Variants in ADAMTS8 observed in about 807,000 individuals in gnomAD.
ADAMTS8 encodes ADAM metallopeptidase with thrombospondin type 1 motif 8.
In ADAMTS8, 50 loss-of-function variants were observed where a neutral mutation model predicts 64.4. The observed-to-expected ratio is 0.78, with a 90% CI of 0.62 to 0.98. The LOEUF is 0.98. ADAMTS8 is among the 50% of genes least tolerant of loss of function. The pLI, the probability that ADAMTS8 is intolerant of heterozygous loss-of-function variation, is 0.00. For synonymous variants in ADAMTS8, 556 were observed against 533.6 expected, an observed-to-expected ratio of 1.04 and a Z score of -0.58; for missense variants, 1,192 against 1,208.2, an observed-to-expected ratio of 0.99 and a Z score of 0.20.
rs1380671737 is a variant in ADAMTS8, at chr11:130,406,053, A to T, written c.2175T>A (p.Gly725=). The part of the protein sequence containing the change: ...NIDVKQRSHP[G]VQNDGNYLAL... ...CCAGGTAGTTCCCATCGTTCTGCACACCCGGGTGGCTCCGCTGCTTCACGT... is the reference window on the plus strand; with the variant it reads ...CCAGGTAGTTCCCATCGTTCTGCACTCCCGGGTGGCTCCGCTGCTTCACGT... The change falls in exon 9 of 9, where the codon GGT becomes GGA. Residue 725 remains glycine (G), a synonymous_variant. Coordinates refer to ENST00000257359, the MANE Select transcript of ADAMTS8 (RefSeq NM_007037.6). The T allele has an allele frequency of 1.2e-6, 2 of 1,613,974 alleles. No homozygotes were observed. The highest frequency in any genetic ancestry group is 1.7e-6 in the Non-Finnish European group (2 of 1,180,010).
intron 1 of ADAMTS8, among the ~76,000 whole-genome samples, chr11:130,421,539 G>A (rs1445879359): frequency 6.6e-6 from 1 of 152,170 alleles, no homozygotes; most frequent in Non-Finnish European, 1.5e-5. Context: ...AAGGCTAGGA[G>A]GATTCTGTGG....
At position 130,419,089 on chromosome 11, in the gene ADAMTS8, T is replaced by C. The variant is rs958415903; in HGVS notation, c.924A>G (p.Pro308=). ...GCAGGATGGCCGTGTCGTAGTGCTC[T>C]GGGTGGCGGTCGCTGGGCTGGTTGA... The part of the protein sequence containing the change: ...RRFNQPSDRH[P]EHYDTAILLT... Residue 308 remains proline, a synonymous_variant, in exon 2 of 9, where the codon CCA becomes CCG. Coordinates refer to ENST00000257359, the MANE Select transcript of ADAMTS8 (RefSeq NM_007037.6). 1 of 1,614,176 alleles carries C rather than the reference T, an allele frequency of 6.2e-7. No individual in the cohort carries two copies. The highest frequency in any genetic ancestry group is 1.3e-5 in the African/African-American group (1 of 75,054).
At chr11:130,424,589 C>T (rs1475708334) in intron 1 of ADAMTS8, among the ~76,000 whole-genome samples, 3 of 152,162 alleles carry the variant, frequency 2.0e-5, no homozygotes, top group African/African-American at 7.2e-5. Flanking sequence ...GAGTGCCTTC[C>T]CTCTGTGTGA....
intron 2 of ADAMTS8, 61 bp from the exon 3 acceptor site, chr11:130,417,136 C>T (rs934734912): frequency 3.5e-5 from 56 of 1,600,352 alleles, no homozygotes; most frequent in Non-Finnish European, 4.4e-5. Context: ...CGCTGCAGGC[C>T]TGCAGGGCCG....
At position 130,428,219 on chromosome 11, in the gene ADAMTS8, A is replaced by C; in HGVS notation, c.68T>G (p.Leu23Arg). 3 of 1,189,792 alleles carry C rather than the reference A, an allele frequency of 2.5e-6. No homozygotes were observed. Among genetic ancestry groups the C allele is most frequent in the Non-Finnish European group, 3.1e-6 (3 of 970,622 alleles). 73.7% of individuals were successfully genotyped at this position (1,189,792 alleles called of 1,614,324 possible). A position where few individuals can be genotyped will look rare whatever the true frequency, so the allele number is the denominator to read the frequency against. The change falls in exon 1 of 9, where the codon CTG becomes CGG. Residue 23 changes from leucine (L) to arginine (R), a missense_variant. Physicochemically the swap from Leu to Arg is moderately radical, Grantham distance 102. Coordinates refer to ENST00000257359, the MANE Select transcript of ADAMTS8 (RefSeq NM_007037.6). ...LLLLLLLLLP[L>R]ARGAPARPAA... ...GGGCCGGGCCGGGGCGCCGCGGGCC[A>C]GCGGCAGCAGCAGCAGCAGCAGCAG...
chr11:130,405,656 C>T lies in ADAMTS8; in HGVS notation c.2572G>A (p.Glu858Lys), dbSNP rs1861869116. 2.5e-6 allele frequency: 4 copies of T among 1,614,002 alleles called. No individual in the cohort carries two copies. The highest frequency in any genetic ancestry group is 1.1e-5 in the South Asian group (1 of 91,082). ...CGAGWQRRTV[E>K]CRDPSGQASA... ...GCCTGGCCGGAGGGGTCCCTGCACTCTACAGTTCGCCTCTGCCAGCCGGCC... is the reference window on the plus strand; with the variant it reads ...GCCTGGCCGGAGGGGTCCCTGCACTTTACAGTTCGCCTCTGCCAGCCGGCC... Residue 858 changes from glutamate to lysine, a missense_variant, in exon 9 of 9, where the codon GAG becomes AAG. Coordinates refer to ENST00000257359, the MANE Select transcript of ADAMTS8 (RefSeq NM_007037.6).
At position 130,428,438 on chromosome 11, in the gene ADAMTS8, G is replaced by T; in HGVS notation, c.-152C>A. The T allele has an allele frequency of 9.5e-7, 1 of 1,057,094 alleles. No individual in the cohort carries two copies. Among genetic ancestry groups the T allele is most frequent in the Non-Finnish European group, 1.1e-6 (1 of 878,822 alleles). 65.5% of individuals were successfully genotyped at this position (1,057,094 alleles called of 1,614,324 possible). On this transcript the variant is annotated 5_prime_UTR_variant, in exon 1 of 9. Transcript: ENST00000257359. ...GACTCGGCCCGCGGGGCCCGGCGGCGGGAGCGCTCCCCCGGCGGCCCCTCT... is the reference window on the plus strand; with the variant it reads ...GACTCGGCCCGCGGGGCCCGGCGGCTGGAGCGCTCCCCCGGCGGCCCCTCT...
intron 5 of ADAMTS8, among the ~76,000 whole-genome samples, chr11:130,413,221 T>C (rs1304696360): frequency 6.6e-6 from 1 of 152,124 alleles, no homozygotes; most frequent in African/African-American, 2.4e-5. Context: ...CATCATTCCA[T>C]GATCATTTCA....
In ADAMTS8 at chr11:130,428,088, G is replaced by A. The variant is rs1288910897; in HGVS notation, c.199C>T (p.Arg67Cys). Residue 67 changes from arginine to cysteine, a missense_variant, in exon 1 of 9, where the codon CGC becomes TGC. Arg to Cys is a radical substitution (Grantham distance 180). Around this residue, in one of 5 missense-constraint regions of ADAMTS8, gnomAD observed 741 missense variants for 710.6 expected, o/e 1.04. Transcript: ENST00000257359. ...AGGAAGCTGTCGTCGGGCGCCAGGC[G>A]CAGCACGAAGCCCTTGCCGAAGGCG... ...LSAFGKGFVL[R>C]LAPDDSFLAP... is the part of the protein sequence containing the mutation. 3 of 1,538,116 alleles carry A rather than the reference G, an allele frequency of 2.0e-6. No homozygotes were observed. Among genetic ancestry groups the A allele is most frequent in the African/African-American group, 1.4e-5 (1 of 71,064 alleles).
intron 4 of ADAMTS8, 80 bp from the exon 5 acceptor site, chr11:130,414,912 G>T: frequency 7.2e-7 from 1 of 1,394,634 alleles, no homozygotes; most frequent in Non-Finnish European, 9.5e-7. Flanking sequence ...GTGATGGATG[G>T]CACTGAAGGT....
intron 1 of ADAMTS8, among the ~76,000 whole-genome samples, chr11:130,421,666 AATGCCTTATAT>A (rs1483825096): frequency 6.6e-6 from 1 of 152,136 alleles, no homozygotes; most frequent in Admixed American, 6.5e-5. Context: ...TGACCAGAGG[AATGCCTTATAT>A]ATGCGGTGCG....
In ADAMTS8 at chr11:130,405,082, AT is replaced by A. The variant is rs1465646409; in HGVS notation, c.*475del. The A allele has an allele frequency of 1.0e-6, 1 of 989,024 alleles. No homozygotes were observed. Among genetic ancestry groups the A allele is most frequent in the African/African-American group, 1.7e-5 (1 of 57,294 alleles). The allele number at this position is 989,024 out of a possible 1,614,324, so 61.3% of individuals were successfully genotyped here. On this transcript the variant is annotated 3_prime_UTR_variant, in exon 9 of 9. Transcript: ENST00000257359. Reference sequence around the variant, plus strand: ...TTTAACACTGAAGACAGTCGTGGTCATTCTTGAAGACAGCTTGGGGTCCAGC... The same window carrying A: ...TTTAACACTGAAGACAGTCGTGGTCATCTTGAAGACAGCTTGGGGTCCAGC...
At chr11:130,424,817 C>G (rs902826161) in intron 1 of ADAMTS8, among the ~76,000 whole-genome samples, 1 of 152,112 alleles carries the variant, frequency 6.6e-6, no homozygotes, top group Non-Finnish European at 1.5e-5. Context: ...GAGGGTGGTC[C>G]TGGACACAGC....
rs1170612525 is a variant in ADAMTS8 at position 130,427,573 on chromosome 11, G to T, written c.714C>A (p.Asp238Glu). ...DASMAAFYGA[D>E]LQNHILTLMS... Reference sequence around the variant, plus strand: ...AGGAGGCTCTCAGTCCTACCTGCAGGTCGGCCCCGTAGAAGGCAGCCATGG... The same window carrying T: ...AGGAGGCTCTCAGTCCTACCTGCAGTTCGGCCCCGTAGAAGGCAGCCATGG... The change falls in exon 1 of 9, where the codon GAC becomes GAA. Residue 238 changes from aspartate to glutamate, a missense_variant. Asp to Glu is a conservative substitution (Grantham distance 45). Around this residue, in one of 5 missense-constraint regions of ADAMTS8, gnomAD observed 741 missense variants for 710.6 expected, o/e 1.04. Transcript: ENST00000257359. The T allele has an allele frequency of 6.5e-7, 1 of 1,538,406 alleles. No homozygotes were observed. The highest frequency in any genetic ancestry group is 1.2e-5 in the South Asian group (1 of 84,028).
chr11:130,417,480 C>T (rs1442221558), intron 2 of ADAMTS8, among the ~76,000 whole-genome samples: 1 of 145,056 alleles, frequency 6.9e-6, no homozygotes, highest in Admixed American at 6.7e-5. Context: ...TGGTCTCAAA[C>T]TCCTGACCTC....
chr11:130,406,576 C>T (rs1861887886), intron 8 of ADAMTS8, among the ~76,000 whole-genome samples: 1 of 152,200 alleles, frequency 6.6e-6, no homozygotes, highest in Non-Finnish European at 1.5e-5. Flanking sequence ...TCCACACACC[C>T]CTTCCAGAAC....
In ADAMTS8 at chr11:130,408,505, G is replaced by T; in HGVS notation, c.2058C>A (p.Gly686=). 6.2e-7 allele frequency: 1 copy of T among 1,614,006 alleles called. No homozygotes were observed. The highest frequency in any genetic ancestry group is 8.5e-7 in the Non-Finnish European group (1 of 1,180,010). Residue 686 remains glycine (G), a synonymous_variant, in exon 8 of 9, where the codon GGC becomes GGA. Transcript: ENST00000257359. The part of the protein sequence containing the change: ...LDKCGVCGGK[G]NSCRKVSGSL... ...ACCCGGAGACCTTCCTGCAGGAGTT[G>T]CCTTTGCCCCCACACACCCCGCATT...
In ADAMTS8 at chr11:130,428,182, C is replaced by T. The variant is rs1005597616; in HGVS notation, c.105G>A (p.Gly35=). The T allele has an allele frequency of 3.9e-5, 52 of 1,319,054 alleles. No homozygotes were observed. Among genetic ancestry groups the T allele is most frequent in the East Asian group, 2.8e-4 (9 of 31,690 alleles). 81.7% of individuals were successfully genotyped at this position (1,319,054 alleles called of 1,614,324 possible). Residue 35 remains glycine, a synonymous_variant, in exon 1 of 9, where the codon GGG becomes GGA. Coordinates refer to ENST00000257359, the MANE Select transcript of ADAMTS8 (RefSeq NM_007037.6). The part of the protein sequence containing the change: ...RGAPARPAAG[G]QASELVVPTR... ...TGGGCACCACCAGCTCCGAGGCCTG[C>T]CCCCCGGCTGCGGGCCGGGCCGGGG...
rs1861947419 is a variant in ADAMTS8 at position 130,411,228 on chromosome 11, C to T, written c.1750+189G>A. Among the ~76,000 whole-genome samples the T allele has an allele frequency of 6.6e-6, 1 of 152,130 alleles. No homozygotes were observed. Among genetic ancestry groups the T allele is most frequent in the South Asian group, 2.1e-4 (1 of 4,824 alleles). On this transcript the variant is annotated intron_variant, in intron 6 of 8. Coordinates refer to ENST00000257359, the MANE Select transcript of ADAMTS8 (RefSeq NM_007037.6). The surrounding 1 kb of genome is among the most constrained non-coding windows in gnomAD (Gnocchi z 4.2). ...TGAGAGCTGCCCCTGGGATTGGAAC[C>T]TTGCAGAGCCCATTTAGGTGGAGAT... is the stretch of plus-strand genomic sequence containing the variant.
Sources: gnomAD v4.1 joint callset for allele counts (sites outside exome capture counted in the v4.1 genomes callset) on GRCh38, gnomAD v4.1.1 for gene constraint, gnomAD v4.1.1 regional missense constraint, Gnocchi (gnomAD v3.1) non-coding constraint, MANE v1.5 for transcripts, NCBI Gene and HGNC (gene_info 2026-07-23, HGNC 2026-07-21) for gene names.